Variants in GLCCI1 observed in about 807,000 individuals in gnomAD.
GLCCI1 encodes the protein glucocorticoid-induced transcript 1 protein.
A neutral mutation model predicts 52.2 loss-of-function variants in GLCCI1; 24 were observed. The observed-to-expected ratio is 0.46, with a 90% CI of 0.33 to 0.65. The LOEUF (loss-of-function observed/expected upper bound fraction) is 0.65. GLCCI1 is among the 30% of genes least tolerant of loss of function. The probability of loss-of-function intolerance (pLI) is 0.02; values close to 1 mark genes in which losing one functional copy is unlikely to be tolerated. For synonymous variants in GLCCI1, 310 were observed against 276.5 expected, an observed-to-expected ratio of 1.12 and a Z score of -1.20; for missense variants, 704 against 701.5, an observed-to-expected ratio of 1.00 and a Z score of -0.04.
chr7:8,054,819 T>C (rs1782348750), intron 3 of GLCCI1, among the ~76,000 whole-genome samples: 1 of 152,094 alleles, frequency 6.6e-6, no homozygotes, highest in Non-Finnish European at 1.5e-5. Context: ...TAATGACTTT[T>C]CTGTGAAACG....
intron 1 of GLCCI1, among the ~76,000 whole-genome samples, chr7:7,992,964 AT>A (rs1364491100): frequency 1.3e-5 from 2 of 152,146 alleles, no homozygotes; most frequent in South Asian, 2.1e-4. Context: ...ATTTCCGAGT[AT>A]TTTTTAAGTA....
intron 3 of GLCCI1, among the ~76,000 whole-genome samples, chr7:8,027,018 A>G (rs1265095531): frequency 6.6e-6 from 1 of 152,238 alleles, no homozygotes; most frequent in Non-Finnish European, 1.5e-5. Flanking sequence ...CAAGAAGGAC[A>G]GGCACAAACA....
intron 3 of GLCCI1, among the ~76,000 whole-genome samples, chr7:8,028,362 A>G (rs546048034): frequency 6.6e-6 from 1 of 152,334 alleles, no homozygotes; most frequent in South Asian, 2.1e-4. Context: ...CTAAATGACC[A>G]ATGAGTCAAT....
At position 8,088,719 on chromosome 7, in the gene GLCCI1, G is replaced by C. The variant is rs865776302; in HGVS notation, c.*2181G>C. The C allele has an allele frequency of 6.6e-6, 1 of 152,538 alleles. No individual in the cohort carries two copies. The highest frequency in any genetic ancestry group is 1.5e-5 in the Non-Finnish European group (1 of 68,018). 9.4% of individuals were successfully genotyped at this position (152,538 alleles called of 1,614,324 possible). ...TTTTTGGTGATGAAATCTCATGTACGATATTTATAGTGATGTGCTTTTATT... is the reference window on the plus strand; with the variant it reads ...TTTTTGGTGATGAAATCTCATGTACCATATTTATAGTGATGTGCTTTTATT... On this transcript the variant is annotated 3_prime_UTR_variant, in exon 8 of 8. Coordinates refer to ENST00000223145, the MANE Select transcript of GLCCI1 (RefSeq NM_138426.4).
At chr7:8,035,314 G>C (rs1781842292) in intron 3 of GLCCI1, among the ~76,000 whole-genome samples, 1 of 152,206 alleles carries the variant, frequency 6.6e-6, no homozygotes, top group South Asian at 2.1e-4. Context: ...GGGAGGAACA[G>C]GGTTCCATCC....
At chr7:8,040,045 C>G (rs1280991963) in intron 3 of GLCCI1, among the ~76,000 whole-genome samples, 1 of 150,834 alleles carries the variant, frequency 6.6e-6, no homozygotes, top group Non-Finnish European at 1.5e-5. Context: ...CACAATATAT[C>G]CATGTAACAG....
chr7:8,042,142 T>C (rs945399090), intron 3 of GLCCI1, among the ~76,000 whole-genome samples: 1 of 152,122 alleles, frequency 6.6e-6, no homozygotes, highest in African/African-American at 2.4e-5. Context: ...ACCCAAAAGC[T>C]CCGATGGGGA....
At chr7:8,005,152 T>C (rs1338978398) in intron 2 of GLCCI1, among the ~76,000 whole-genome samples, 1 of 152,180 alleles carries the variant, frequency 6.6e-6, no homozygotes, top group Non-Finnish European at 1.5e-5. Context: ...GGTGTGGGCC[T>C]GGACAGTTAG....
intron 4 of GLCCI1, among the ~76,000 whole-genome samples, chr7:8,059,803 ATG>A (rs1170566435): frequency 6.6e-6 from 1 of 152,234 alleles, no homozygotes; most frequent in African/African-American, 2.4e-5. Flanking sequence ...AAGGAAAACA[ATG>A]TAAATAATGC....
chr7:8,058,868 A>G (rs1403821293), intron 4 of GLCCI1, among the ~76,000 whole-genome samples: 1 of 152,230 alleles, frequency 6.6e-6, no homozygotes, highest in African/African-American at 2.4e-5. Flanking sequence ...CCGATAACGT[A>G]AAATAGTCAC....
At chr7:8,026,789 A>G (rs181750792) in intron 3 of GLCCI1, among the ~76,000 whole-genome samples, 2 of 152,366 alleles carry the variant, frequency 1.3e-5, no homozygotes, top group African/African-American at 4.8e-5. Context: ...TTTATTGGCA[A>G]GCTTTAAAGA....
At chr7:8,037,692 G>C (rs1781897397) in intron 3 of GLCCI1, among the ~76,000 whole-genome samples, 1 of 152,034 alleles carries the variant, frequency 6.6e-6, no homozygotes, top group Non-Finnish European at 1.5e-5. Flanking sequence ...AAGGTAAAGG[G>C]GTGGAAAAAG....
intron 1 of GLCCI1, among the ~76,000 whole-genome samples, chr7:7,984,205 C>T (rs1403187641): frequency 6.6e-6 from 1 of 152,074 alleles, no homozygotes; most frequent in African/African-American, 2.4e-5. Flanking sequence ...GGACCACAGG[C>T]ATGTGCCACC....
rs145808658 is a variant in GLCCI1, at chr7:8,031,090, A to G, written c.696+8521A>G. Among the ~76,000 whole-genome samples, 252 of 152,314 alleles carry G rather than the reference A, an allele frequency of 1.7e-3. 2 individuals carry two copies. Among genetic ancestry groups the G allele is most frequent in the African/African-American group, 5.3e-3 (221 of 41,596 alleles). Reference sequence around the variant, plus strand: ...ATATTGAAGAGATATCTGCACTCCTATGTTTGTTGCAGCAGTGTTCACAAT... The same window carrying G: ...ATATTGAAGAGATATCTGCACTCCTGTGTTTGTTGCAGCAGTGTTCACAAT... On this transcript the variant is annotated intron_variant, in intron 3 of 7. Coordinates refer to ENST00000223145, the MANE Select transcript of GLCCI1 (RefSeq NM_138426.4).
At position 7,969,742 on chromosome 7, in the gene GLCCI1, C is replaced by G. The variant is rs1452822225; in HGVS notation, c.392C>G (p.Ser131Cys). ...CGGGCCAAGGGCCGCCCGAGACGGTCCCCAGAGAGCCACCGGAGGAGCAGC... is the reference window on the plus strand; with the variant it reads ...CGGGCCAAGGGCCGCCCGAGACGGTGCCCAGAGAGCCACCGGAGGAGCAGC... ...APRAKGRPRR[S>C]PESHRRSSSP... The change falls in exon 1 of 8, where the codon TCC becomes TGC. Residue 131 changes from serine to cysteine, a missense_variant. By Grantham distance (112) the Ser-to-Cys change is moderately radical. Around this residue, in one of 3 missense-constraint regions of GLCCI1, gnomAD observed 547 missense variants for 524.8 expected, o/e 1.04. Transcript: ENST00000223145. This position sits in a 1 kb window ranked among gnomAD's most constrained non-coding sequence, Gnocchi z 4.9. 2 of 1,466,624 alleles carry G rather than the reference C, an allele frequency of 1.4e-6. No homozygotes were observed. Among genetic ancestry groups the G allele is most frequent in the Admixed American group, 2.3e-5 (1 of 44,298 alleles). 90.9% of individuals were successfully genotyped at this position (1,466,624 alleles called of 1,614,324 possible). A position where few individuals can be genotyped will look rare whatever the true frequency, so the allele number is the denominator to read the frequency against.
At chr7:7,992,695 G>A (rs1292397700) in intron 1 of GLCCI1, among the ~76,000 whole-genome samples, 1 of 151,982 alleles carries the variant, frequency 6.6e-6, no homozygotes, top group Non-Finnish European at 1.5e-5. Flanking sequence ...AGGGACTCCT[G>A]TTACACACAC....
At chr7:8,032,924 C>G (rs936392516) in intron 3 of GLCCI1, among the ~76,000 whole-genome samples, 4 of 151,746 alleles carry the variant, frequency 2.6e-5, no homozygotes, top group African/African-American at 9.7e-5. Context: ...AAGTACTGTC[C>G]TTTCAAAGTC....
intron 6 of GLCCI1, among the ~76,000 whole-genome samples, chr7:8,074,890 A>G (rs1195008485): frequency 6.6e-6 from 1 of 152,136 alleles, no homozygotes; most frequent in East Asian, 1.9e-4. Flanking sequence ...GTTGCTGTGG[A>G]GAGATTTGTT....
chr7:8,031,726 A>G (rs1781754982), intron 3 of GLCCI1, among the ~76,000 whole-genome samples: 1 of 151,950 alleles, frequency 6.6e-6, no homozygotes, highest in South Asian at 2.1e-4. Flanking sequence ...TATTTTTAAA[A>G]AAACAAACAG....
Sources: allele counts gnomAD v4.1 joint callset (sites outside exome capture counted in the v4.1 genomes callset), GRCh38; gene constraint gnomAD v4.1.1; regional missense constraint gnomAD v4.1.1; non-coding constraint Gnocchi (gnomAD v3.1); transcripts MANE v1.5; gene names NCBI Gene and HGNC (gene_info 2026-07-23, HGNC 2026-07-21).